Variants in SEMA5A observed in about 807,000 individuals in gnomAD.
SEMA5A encodes the protein semaphorin-5A.
Under a neutral mutation model 135.5 loss-of-function variants are expected in SEMA5A, and 55 were observed. The observed-to-expected ratio is 0.41, with a 90% CI of 0.33 to 0.51. SEMA5A has a LOEUF of 0.51. Ranked by LOEUF, SEMA5A falls within the 20% of genes least tolerant of loss-of-function variation. The probability of loss-of-function intolerance (pLI) is 0.37; values close to 1 mark genes in which losing one functional copy is unlikely to be tolerated. For synonymous variants in SEMA5A, 580 were observed against 546.5 expected (o/e 1.06, Z -0.85); for missense variants, 1,290 against 1,419.9 (o/e 0.91, Z 1.47).
intron 18 of SEMA5A, among the ~76,000 whole-genome samples, chr5:9,056,399 C>A (rs183813391): frequency 6.6e-6 from 1 of 152,094 alleles, no homozygotes; most frequent in African/African-American, 2.4e-5. Context: ...GCAGCTGCCT[C>A]GGAAAACAAT....
chr5:9,279,151 C>T (rs1034315443), intron 5 of SEMA5A, among the ~76,000 whole-genome samples: 2 of 152,208 alleles, frequency 1.3e-5, no homozygotes, highest in Admixed American at 6.5e-5. Context: ...AGGGGCAGAG[C>T]TGCCAAAGGC....
intron 2 of SEMA5A, among the ~76,000 whole-genome samples, chr5:9,393,637 A>T (rs1175142562): frequency 6.6e-6 from 1 of 152,214 alleles, no homozygotes; most frequent in Non-Finnish European, 1.5e-5. Flanking sequence ...AAATTTTGAC[A>T]ATTATAAACA....
At chr5:9,384,675 T>TATAG (rs1358325341) in intron 2 of SEMA5A, among the ~76,000 whole-genome samples, 4,951 of 63,798 alleles carry the variant, frequency 0.078, 508 homozygotes, top group South Asian at 0.11. Flanking sequence ...GATAGATAGA[T>TATAG]ATAGATAGAT....
chr5:9,439,151 G>A (rs141499302), intron 1 of SEMA5A, among the ~76,000 whole-genome samples: 88 of 152,280 alleles, frequency 5.8e-4, no homozygotes, highest in Middle Eastern at 3.4e-3. Flanking sequence ...TCAAAAGTCC[G>A]TGACATCATC....
chr5:9,064,446 T>C (rs74906661), intron 17 of SEMA5A, among the ~76,000 whole-genome samples: 2 of 152,196 alleles, frequency 1.3e-5, no homozygotes, highest in Admixed American at 6.5e-5. Flanking sequence ...ATATACACCA[T>C]GGAATACTAT....
chr5:9,154,137 GTA>G (rs1169312080), intron 12 of SEMA5A, among the ~76,000 whole-genome samples: 65 of 139,924 alleles, frequency 4.6e-4, no homozygotes, highest in Admixed American at 9.5e-4. Flanking sequence ...GTGTGTGTGT[GTA>G]TATATATATA....
intron 16 of SEMA5A, among the ~76,000 whole-genome samples, chr5:9,081,937 G>A (rs911647963): frequency 1.3e-5 from 2 of 152,132 alleles, no homozygotes; most frequent in African/African-American, 2.4e-5. Flanking sequence ...ACTCCACAGG[G>A]TACTAATGAG....
intron 2 of SEMA5A, among the ~76,000 whole-genome samples, chr5:9,405,558 A>C (rs544010421): frequency 6.6e-6 from 1 of 152,258 alleles, no homozygotes; most frequent in Non-Finnish European, 1.5e-5. Flanking sequence ...TCAATTACAG[A>C]AAAGTCTTGG....
chr5:9,454,704 C>G (rs981606588), intron 1 of SEMA5A, among the ~76,000 whole-genome samples: 2 of 152,198 alleles, frequency 1.3e-5, no homozygotes, highest in Non-Finnish European at 2.9e-5. Context: ...TCCTGATAGT[C>G]TTAAGCGCTT....
At chr5:9,491,568 T>C (rs1362089749) in intron 1 of SEMA5A, among the ~76,000 whole-genome samples, 1 of 152,128 alleles carries the variant, frequency 6.6e-6, no homozygotes. Context: ...TAACAGTTTA[T>C]AACAGGCAAT....
At chr5:9,467,575 A>G (rs763530916) in intron 1 of SEMA5A, among the ~76,000 whole-genome samples, 3 of 152,172 alleles carry the variant, frequency 2.0e-5, no homozygotes, top group Non-Finnish European at 4.4e-5. Context: ...CCAAGTGGGT[A>G]TACCTGGAAA....
At chr5:9,473,741 G>C (rs761982417) in intron 1 of SEMA5A, among the ~76,000 whole-genome samples, 1 of 152,128 alleles carries the variant, frequency 6.6e-6, no homozygotes, top group Non-Finnish European at 1.5e-5. Context: ...AGGGCTTCTG[G>C]AAAAACTCAG....
intron 3 of SEMA5A, among the ~76,000 whole-genome samples, chr5:9,360,099 G>T (rs1300781146): frequency 2.0e-5 from 3 of 152,176 alleles, no homozygotes; most frequent in African/African-American, 7.2e-5. Flanking sequence ...CTCTTGTGTT[G>T]TTCAATGAAC....
At chr5:9,205,029 A>C (rs533049734) in intron 8 of SEMA5A, among the ~76,000 whole-genome samples, 2 of 152,312 alleles carry the variant, frequency 1.3e-5, no homozygotes, top group East Asian at 3.9e-4. Flanking sequence ...ATCTTCCATG[A>C]AACTGGTTCT....
intron 5 of SEMA5A, among the ~76,000 whole-genome samples, chr5:9,238,351 G>T (rs958061510): frequency 6.6e-6 from 1 of 152,042 alleles, no homozygotes; most frequent in African/African-American, 2.4e-5. Context: ...GGATGATTTT[G>T]CATATCCTTA....
chr5:9,399,088 C>T (rs891501181), intron 2 of SEMA5A, among the ~76,000 whole-genome samples: 2 of 152,322 alleles, frequency 1.3e-5, no homozygotes, highest in South Asian at 2.1e-4. Context: ...AGCAATCCCA[C>T]TCCTATGTCT....
intron 5 of SEMA5A, among the ~76,000 whole-genome samples, chr5:9,275,174 C>T (rs996468458): frequency 1.3e-5 from 2 of 152,156 alleles, no homozygotes; most frequent in South Asian, 4.1e-4. Flanking sequence ...CACAGAAATG[C>T]AAACTACCAT....
At chr5:9,183,624 G>A (rs572904170) in intron 11 of SEMA5A, among the ~76,000 whole-genome samples, 1 of 152,300 alleles carries the variant, frequency 6.6e-6, no homozygotes, top group South Asian at 2.1e-4. Context: ...TTGAACTTAC[G>A]ACCTGACCAA....
intron 1 of SEMA5A, among the ~76,000 whole-genome samples, chr5:9,442,212 C>T (rs1271182296): frequency 6.6e-6 from 1 of 152,208 alleles, no homozygotes; most frequent in African/African-American, 2.4e-5. Context: ...TCTAGGCTAA[C>T]CATGTGGTTA....
Sources: allele counts gnomAD v4.1 joint callset (sites outside exome capture counted in the v4.1 genomes callset), GRCh38; gene constraint gnomAD v4.1.1; transcripts MANE v1.5; gene names NCBI Gene and HGNC (gene_info 2026-07-23, HGNC 2026-07-21).